Variants in DMD observed in about 807,000 individuals in gnomAD.
The protein encoded by DMD is dystrophin.
Under a neutral mutation model 330.1 loss-of-function variants are expected in DMD, and 63 were observed. The ratio of observed to expected loss-of-function variants is 0.19; its 90% CI spans 0.16 to 0.24. The LOEUF is 0.24. DMD is among the 10% of genes least tolerant of loss of function. DMD has a pLI of 1.00. For missense variants in DMD, 3,344 were observed against 2,684.1 expected, an observed-to-expected ratio of 1.25 and a Z score of -5.43; for synonymous variants, 1,223 against 959.8, an observed-to-expected ratio of 1.27 and a Z score of -5.07.
intron 21 of DMD, among the ~76,000 whole-genome samples, chrX:32,479,605 A>G (rs2041617876): frequency 9.1e-6 from 1 of 110,361 alleles, no homozygotes; most frequent in South Asian, 3.8e-4. Context: ...GTGGCAAATG[A>G]CAGAAATTCC....
chrX:32,985,152 T>C (rs1297245363), intron 2 of DMD, among the ~76,000 whole-genome samples: 1 of 112,450 alleles, frequency 8.9e-6, no homozygotes, highest in East Asian at 2.8e-4. Flanking sequence ...TATAAGAATG[T>C]ATCATCCTTT....
At chrX:32,823,579 C>A (rs1424856835) in intron 4 of DMD, among the ~76,000 whole-genome samples, 192 bp from the exon 5 acceptor site, 3 of 111,390 alleles carry the variant, frequency 2.7e-5, no homozygotes, top group Non-Finnish European at 5.7e-5. Flanking sequence ...AACAAGCACC[C>A]CAAATATATT....
chrX:32,059,276 A>C (rs1440043160), intron 44 of DMD, among the ~76,000 whole-genome samples: 2 of 111,735 alleles, frequency 1.8e-5, no homozygotes, highest in Non-Finnish European at 3.8e-5. Context: ...TAAGAAAAAA[A>C]CATCTTTTTC....
intron 7 of DMD, among the ~76,000 whole-genome samples, chrX:32,773,775 T>A (rs1344327422): frequency 9.0e-6 from 1 of 111,542 alleles, no homozygotes; most frequent in Non-Finnish European, 1.9e-5. Context: ...TGGAGTGCTC[T>A]TTCTTAGTTT....
At chrX:32,725,340 A>G (rs1048788862) in intron 7 of DMD, among the ~76,000 whole-genome samples, 5 of 110,933 alleles carry the variant, frequency 4.5e-5, no homozygotes, top group Non-Finnish European at 9.5e-5. Flanking sequence ...AGGTATATAT[A>G]TGTATATGCA....
At chrX:31,686,843 A>G (rs1211137900) in intron 52 of DMD, among the ~76,000 whole-genome samples, 1 of 112,102 alleles carries the variant, frequency 8.9e-6, no homozygotes, top group Non-Finnish European at 1.9e-5. Context: ...TGGCATGGCT[A>G]AGGGAGTGGT....
intron 44 of DMD, among the ~76,000 whole-genome samples, chrX:32,166,362 TG>T (rs1352320598): frequency 9.0e-6 from 1 of 110,723 alleles, no homozygotes. Flanking sequence ...GAGGCTGATG[TG>T]GGAGGATCAT....
At chrX:31,453,496 T>A in intron 59 of DMD, among the ~76,000 whole-genome samples, 1 of 110,038 alleles carries the variant, frequency 9.1e-6, no homozygotes, top group Middle Eastern at 4.6e-3. Flanking sequence ...AGTTTCAGTT[T>A]TGCAAGATGA....
chrX:32,523,891 T>G (rs1403889382), intron 17 of DMD, among the ~76,000 whole-genome samples: 1 of 110,988 alleles, frequency 9.0e-6, no homozygotes, highest in Non-Finnish European at 1.9e-5. Context: ...AAGTTGTTTG[T>G]TTTTAGTTTG....
At chrX:33,261,749 A>G (rs1220334880) in intron 1 of DMD, among the ~76,000 whole-genome samples, 1 of 110,241 alleles carries the variant, frequency 9.1e-6, no homozygotes, top group East Asian at 2.8e-4. Context: ...CACCACAAAC[A>G]GCACTCCACG....
intron 1 of DMD, among the ~76,000 whole-genome samples, chrX:33,274,736 A>C (rs759986751): frequency 9.2e-4 from 103 of 112,076 alleles, no homozygotes; most frequent in Admixed American, 3.7e-3. Flanking sequence ...TGTGTGTTTC[A>C]AACACTACTG....
chrX:32,922,055 T>A (rs975485820), intron 2 of DMD, among the ~76,000 whole-genome samples: 2 of 110,835 alleles, frequency 1.8e-5, no homozygotes, highest in African/African-American at 6.6e-5. Flanking sequence ...AAGGGTTTGG[T>A]AAATGCATCA....
At chrX:31,315,956 T>C (rs1284702339) in intron 62 of DMD, among the ~76,000 whole-genome samples, 1 of 112,135 alleles carries the variant, frequency 8.9e-6, no homozygotes, top group Non-Finnish European at 1.9e-5. Flanking sequence ...GAATGATATT[T>C]AGGAAAAACA....
chrX:32,866,742 T>TGGGG (rs61420337), intron 2 of DMD, among the ~76,000 whole-genome samples: 1 of 37,287 alleles, frequency 2.7e-5, no homozygotes, highest in Non-Finnish European at 4.3e-5. Context: ...GGTGGGGGGG[T>TGGGG]GGGGGGGGGG....
chrX:32,178,500 C>A (rs1431523897), intron 44 of DMD, among the ~76,000 whole-genome samples: 1 of 109,509 alleles, frequency 9.1e-6, no homozygotes. Context: ...ATTCATTTAT[C>A]AAAAATCTTG....
At chrX:32,299,317 CT>C (rs769095882) in intron 42 of DMD, among the ~76,000 whole-genome samples, 1 of 110,747 alleles carries the variant, frequency 9.0e-6, no homozygotes, top group East Asian at 2.8e-4. Context: ...TGACATATAG[CT>C]TTTTGGACAC....
At chrX:32,667,213 A>G (rs182324586) in intron 9 of DMD, among the ~76,000 whole-genome samples, 1 of 111,451 alleles carries the variant, frequency 9.0e-6, no homozygotes, top group African/African-American at 3.3e-5. Context: ...AAATCACCCT[A>G]CATTTGACTT....
chrX:31,199,115 C>T (rs915158639), intron 67 of DMD, among the ~76,000 whole-genome samples: 2 of 111,868 alleles, frequency 1.8e-5, no homozygotes, highest in Non-Finnish European at 3.8e-5. Context: ...TGCAGAAAAT[C>T]CTCAAGGTTC....
intron 60 of DMD, among the ~76,000 whole-genome samples, chrX:31,393,287 C>A (rs1159866379): frequency 9.1e-6 from 1 of 110,155 alleles, no homozygotes; most frequent in Non-Finnish European, 1.9e-5. Flanking sequence ...ACCAGCCTGG[C>A]CAAATATGGT....
Sources: gnomAD v4.1 joint callset for allele counts (sites outside exome capture counted in the v4.1 genomes callset) on GRCh38, gnomAD v4.1.1 for gene constraint, MANE v1.5 for transcripts, NCBI Gene and HGNC (gene_info 2026-07-23, HGNC 2026-07-21) for gene names.